Variants in KCNIP4 observed in about 807,000 individuals in gnomAD.
KCNIP4 encodes the protein Kv channel-interacting protein 4.
A neutral mutation model predicts 34.0 loss-of-function variants in KCNIP4; 12 were observed. The observed-to-expected ratio is 0.35, with a 90% CI of 0.23 to 0.57. The LOEUF is 0.57. Among genes scored for constraint, KCNIP4 ranks in the 20% least tolerant of loss-of-function variants. KCNIP4 has a pLI of 0.83. For missense variants in KCNIP4, 238 were observed against 311.7 expected (o/e 0.76, Z 1.78); for synonymous variants, 124 against 102.2 (o/e 1.21, Z -1.29).
intron 1 of KCNIP4, among the ~76,000 whole-genome samples, chr4:21,120,661 C>T (rs1392348220): frequency 1.3e-5 from 2 of 152,120 alleles, no homozygotes; most frequent in Admixed American, 1.3e-4. Context: ...AGTTCACTCA[C>T]TATCACAAAA....
chr4:21,229,892 T>A (rs1758671849), intron 1 of KCNIP4, among the ~76,000 whole-genome samples: 1 of 152,190 alleles, frequency 6.6e-6, no homozygotes, highest in Non-Finnish European at 1.5e-5. Context: ...GTATACAGTT[T>A]ACAGTCCATT....
intron 1 of KCNIP4, among the ~76,000 whole-genome samples, chr4:21,926,691 C>G (rs1398600288): frequency 6.6e-6 from 1 of 152,192 alleles, no homozygotes. Context: ...CCACCTCTCT[C>G]TAACTCCAAA....
intron 1 of KCNIP4, among the ~76,000 whole-genome samples, chr4:21,069,285 C>T (rs1035142435): frequency 2.0e-5 from 3 of 152,040 alleles, no homozygotes; most frequent in African/African-American, 7.2e-5. Context: ...TGTGCTTACA[C>T]AGCTGCCTTT....
intron 1 of KCNIP4, among the ~76,000 whole-genome samples, chr4:21,115,995 CAA>C (rs755482597): frequency 2.0e-5 from 3 of 152,134 alleles, no homozygotes; most frequent in Admixed American, 6.6e-5. Context: ...TAAACAGTGA[CAA>C]ACAGTGAAGG....
chr4:21,331,283 C>T (rs199938437), intron 1 of KCNIP4, among the ~76,000 whole-genome samples: 1 of 152,000 alleles, frequency 6.6e-6, no homozygotes, highest in Non-Finnish European at 1.5e-5. Context: ...TATGAAATTT[C>T]CCTCAAGATG....
chr4:21,018,319 T>G (rs909387809), intron 1 of KCNIP4, among the ~76,000 whole-genome samples: 1 of 152,218 alleles, frequency 6.6e-6, no homozygotes, highest in African/African-American at 2.4e-5. Flanking sequence ...TGGTATATAT[T>G]ATCTTCCCTT....
intron 1 of KCNIP4, among the ~76,000 whole-genome samples, chr4:21,139,818 T>C (rs1577767090): frequency 6.6e-6 from 1 of 152,204 alleles, no homozygotes; most frequent in African/African-American, 2.4e-5. Flanking sequence ...TGAGGGGCTG[T>C]TTCCGAGGGA....
intron 1 of KCNIP4, among the ~76,000 whole-genome samples, chr4:21,408,049 C>T (rs1724152213): frequency 6.6e-6 from 1 of 152,146 alleles, no homozygotes; most frequent in Admixed American, 6.5e-5. Flanking sequence ...GCTCAAAACA[C>T]ACAAAGGCTC....
intron 1 of KCNIP4, among the ~76,000 whole-genome samples, chr4:21,694,970 GAA>G (rs901488062): frequency 4.0e-5 from 5 of 125,690 alleles, no homozygotes; most frequent in African/African-American, 1.6e-4. Context: ...TTGGTAAAAA[GAA>G]AAAAAATCAC....
At chr4:21,151,405 AATTTTTTTT>A (rs1312324848) in intron 1 of KCNIP4, among the ~76,000 whole-genome samples, 33 of 93,516 alleles carry the variant, frequency 3.5e-4, no homozygotes, top group Non-Finnish European at 5.8e-4. Context: ...AACAAAAGAC[AATTTTTTTT>A]TTTTTTTTTT....
chr4:21,500,925 G>A (rs1282862431), intron 1 of KCNIP4, among the ~76,000 whole-genome samples: 1 of 152,042 alleles, frequency 6.6e-6, no homozygotes, highest in Non-Finnish European at 1.5e-5. Flanking sequence ...GTACATCACA[G>A]CTTCATCTTC....
At chr4:21,876,936 CCAGA>C (rs1726152679) in intron 1 of KCNIP4, among the ~76,000 whole-genome samples, 1 of 151,520 alleles carries the variant, frequency 6.6e-6, no homozygotes, top group Non-Finnish European at 1.5e-5. Context: ...CTGCTAGTGG[CCAGA>C]CAATCTTAGA....
chr4:21,146,973 A>T (rs892467042), intron 1 of KCNIP4, among the ~76,000 whole-genome samples: 1 of 152,110 alleles, frequency 6.6e-6, no homozygotes, highest in Non-Finnish European at 1.5e-5. Context: ...ATATGTATAT[A>T]TATGTGGGGG....
intron 1 of KCNIP4, among the ~76,000 whole-genome samples, chr4:21,598,489 C>A (rs1742832192): frequency 6.6e-6 from 1 of 151,956 alleles, no homozygotes. Flanking sequence ...GGTTGTGTGC[C>A]AATAAAACTT....
intron 1 of KCNIP4, among the ~76,000 whole-genome samples, chr4:21,036,492 G>T (rs1163860045): frequency 2.0e-5 from 3 of 152,190 alleles, no homozygotes; most frequent in Admixed American, 1.3e-4. Context: ...ATAAGTGCAG[G>T]TTTATTTTGC....
At position 21,278,356 on chromosome 4, in the gene KCNIP4, C is replaced by T. The variant is rs962174904; in HGVS notation, c.62-395647G>A. On this transcript the variant is annotated intron_variant, in intron 1 of 8. Transcript: ENST00000382152. ...TTCTGCTCCTCTCCCTCCTCCCACC[C>T]TCCACCCTCCAGTAGGCCCCAGTGT... Among the ~76,000 whole-genome samples the T allele has an allele frequency of 3.9e-5, 6 of 152,110 alleles. No individual in the cohort carries two copies. The East Asian group carries it at 9.6e-4, about 24-fold the overall frequency.
At chr4:20,799,225 A>G (rs2149414564) in intron 3 of KCNIP4, among the ~76,000 whole-genome samples, 1 of 152,306 alleles carries the variant, frequency 6.6e-6, no homozygotes, top group African/African-American at 2.4e-5. Flanking sequence ...GTCTGCCAGC[A>G]GGGGATTTCA....
At chr4:21,705,237 G>A (rs192101521) in intron 1 of KCNIP4, among the ~76,000 whole-genome samples, 5 of 152,210 alleles carry the variant, frequency 3.3e-5, no homozygotes, top group African/African-American at 7.2e-5. Flanking sequence ...AAGGGCATTC[G>A]CTATAGAAGT....
intron 1 of KCNIP4, among the ~76,000 whole-genome samples, chr4:21,100,872 T>A (rs906633051): frequency 2.0e-5 from 3 of 152,124 alleles, no homozygotes; most frequent in Admixed American, 2.0e-4. Context: ...GAGCTGAACC[T>A]GCAATATGTT....
Sources: gnomAD v4.1 joint callset for allele counts (sites outside exome capture counted in the v4.1 genomes callset) on GRCh38, gnomAD v4.1.1 for gene constraint, MANE v1.5 for transcripts, NCBI Gene and HGNC (gene_info 2026-07-23, HGNC 2026-07-21) for gene names.